GLI3: variants seen among roughly 807,000 people sequenced by gnomAD.
The protein encoded by GLI3 is GLI family zinc finger 3.
GLI3 carries 20 observed loss-of-function variants against 100.8 expected under a neutral mutation model. The observed-to-expected ratio is 0.20, with a 90% CI of 0.14 to 0.29. The LOEUF (loss-of-function observed/expected upper bound fraction) is 0.29, where lower values mean the gene tolerates loss of function less well. GLI3 is among the 10% of genes least tolerant of loss of function. GLI3 has a pLI of 1.00. For synonymous variants in GLI3, 938 were observed against 860.5 expected (o/e 1.09, Z -1.58); for missense variants, 2,040 against 2,128.5 (o/e 0.96, Z 0.82).
chr7:42,238,003 G>GCCGCCGCCGCCGCCT (rs1260875008), upstream of GLI3: 1 of 140,528 alleles, frequency 7.1e-6, no homozygotes, highest in African/African-American at 3.6e-5. Context: ...CGCCGCCGCC[G>GCCGCCGCCGCCGCCT]CCTCCTCCTC....
chr7:42,194,918 C>G (rs985909759), intron 2 of GLI3, among the ~76,000 whole-genome samples: 1 of 152,014 alleles, frequency 6.6e-6, no homozygotes, highest in Non-Finnish European at 1.5e-5. Context: ...AGGCACCCAC[C>G]ACCAGGTCTG....
chr7:42,025,135 G>A (rs1789072270), intron 9 of GLI3, 129 bp downstream of exon 9: 1 of 683,172 alleles, frequency 1.5e-6, no homozygotes, highest in Non-Finnish European at 2.6e-6. Flanking sequence ...GTACGGCCAA[G>A]GTCAACAATG....
At chr7:42,100,879 C>A (rs1312759129) in intron 3 of GLI3, among the ~76,000 whole-genome samples, 1 of 152,160 alleles carries the variant, frequency 6.6e-6, no homozygotes, top group East Asian at 1.9e-4. Flanking sequence ...AAGGAAGGAT[C>A]CTCCCTTAAG....
rs368499795 is a variant in GLI3 at position 42,040,035 on chromosome 7, T to C, written c.1028+3A>G. On this transcript the variant is annotated splice_donor_region_variant and intron_variant, in intron 7 of 14. Coordinates refer to ENST00000395925, the MANE Select transcript of GLI3 (RefSeq NM_000168.6). Reference sequence around the variant, plus strand: ...CACATAATGGATTCAGGAAAATACATACCTGATTGCACTTGCAGATAAGTG... The same window carrying C: ...CACATAATGGATTCAGGAAAATACACACCTGATTGCACTTGCAGATAAGTG... 1 of 1,603,492 alleles carries C rather than the reference T, an allele frequency of 6.2e-7. No individual in the cohort carries two copies. Among genetic ancestry groups the C allele is most frequent in the Non-Finnish European group, 8.5e-7 (1 of 1,170,328 alleles).
At chr7:42,026,484 G>T in intron 7 of GLI3, 72 bp from the exon 8 acceptor site, 2 of 1,106,366 alleles carry the variant, frequency 1.8e-6, no homozygotes, top group Non-Finnish European at 2.7e-6. Flanking sequence ...AAGATCTGCA[G>T]CTTTCTATCT....
intron 1 of GLI3, among the ~76,000 whole-genome samples, chr7:42,228,398 G>A (rs1583663345): frequency 6.6e-6 from 1 of 152,240 alleles, no homozygotes; most frequent in African/African-American, 2.4e-5. Flanking sequence ...GCCATGTGGG[G>A]GTGGGGAGGT....
At chr7:42,043,127 G>A (rs909340069) in intron 6 of GLI3, among the ~76,000 whole-genome samples, 4 of 152,088 alleles carry the variant, frequency 2.6e-5, no homozygotes, top group Admixed American at 2.0e-4. Context: ...CCCAGGTTTC[G>A]ATCTACCACT....
intron 9 of GLI3, among the ~76,000 whole-genome samples, chr7:42,024,632 T>C (rs926776014): frequency 4.6e-5 from 7 of 152,124 alleles, no homozygotes; most frequent in Admixed American, 3.9e-4. Flanking sequence ...TATGAGATGA[T>C]ATTATGGGTA....
chr7:42,146,482 T>TTATC (rs1786712392), intron 3 of GLI3, among the ~76,000 whole-genome samples: 1 of 152,182 alleles, frequency 6.6e-6, no homozygotes, highest in South Asian at 2.1e-4. Context: ...AAGTTAACGG[T>TTATC]TATCTGCTCA....
At chr7:42,219,907 G>A (rs2128701438) in intron 2 of GLI3, among the ~76,000 whole-genome samples, 1 of 148,858 alleles carries the variant, frequency 6.7e-6, no homozygotes, top group South Asian at 2.1e-4. Context: ...AGGCTGGAGT[G>A]CAGTGGCACG....
At chr7:42,217,061 T>G (rs961985227) in intron 2 of GLI3, among the ~76,000 whole-genome samples, 1 of 152,160 alleles carries the variant, frequency 6.6e-6, no homozygotes, top group Non-Finnish European at 1.5e-5. Context: ...GCAAGTCCCA[T>G]GCGTGACAAG....
intron 3 of GLI3, among the ~76,000 whole-genome samples, chr7:42,135,708 C>A (rs923729577): frequency 5.9e-5 from 9 of 152,144 alleles, no homozygotes; most frequent in Non-Finnish European, 1.3e-4. Context: ...ATACTCAGTC[C>A]TTTTGATCTT....
intron 2 of GLI3, among the ~76,000 whole-genome samples, chr7:42,192,605 G>C (rs1373757388): frequency 1.3e-5 from 2 of 152,180 alleles, no homozygotes; most frequent in Non-Finnish European, 2.9e-5. Flanking sequence ...GAACCAAAGA[G>C]AGATGGGGGC....
At chr7:42,253,946 A>T (rs1789058881) in intron 1 of GLI3, among the ~76,000 whole-genome samples, 1 of 152,206 alleles carries the variant, frequency 6.6e-6, no homozygotes, top group South Asian at 2.1e-4. Context: ...TGGGCCGGAC[A>T]TGATGGTTCA....
chr7:42,049,178 T>A (rs1482089314), intron 4 of GLI3, among the ~76,000 whole-genome samples: 4 of 151,896 alleles, frequency 2.6e-5, no homozygotes, highest in Non-Finnish European at 5.9e-5. Flanking sequence ...AAGAATACAA[T>A]CCCAAATTTG....
chr7:42,151,679 A>C (rs900695710), intron 2 of GLI3: 1 of 152,228 alleles, frequency 6.6e-6, no homozygotes. Flanking sequence ...GAAACATGCA[A>C]TTCACTAAAA....
At chr7:42,096,133 C>T (rs950676369) in intron 3 of GLI3, among the ~76,000 whole-genome samples, 2 of 152,072 alleles carry the variant, frequency 1.3e-5, no homozygotes, top group Non-Finnish European at 2.9e-5. Context: ...CCGGGATGTT[C>T]GGCTGCAAAT....
intron 1 of GLI3, among the ~76,000 whole-genome samples, chr7:42,236,129 C>A (rs994259818): frequency 6.6e-6 from 1 of 152,044 alleles, no homozygotes; most frequent in Non-Finnish European, 1.5e-5. Context: ...CGGGGTGGAG[C>A]GTCCGCTTCG....
At chr7:42,140,763 G>C (rs1425483225) in intron 3 of GLI3, among the ~76,000 whole-genome samples, 2 of 152,224 alleles carry the variant, frequency 1.3e-5, no homozygotes. Flanking sequence ...CAGGATGGGA[G>C]ATTGCAGCTT....
Sources: gnomAD v4.1 joint callset for allele counts (sites outside exome capture counted in the v4.1 genomes callset) on GRCh38, gnomAD v4.1.1 for gene constraint, MANE v1.5 for transcripts, NCBI Gene and HGNC (gene_info 2026-07-23, HGNC 2026-07-21) for gene names.